PALM2AKAP2: variants seen among roughly 807,000 people sequenced by gnomAD.
PALM2AKAP2 encodes PALM2-AKAP2 fusion protein.
Under a neutral mutation model 71.5 loss-of-function variants are expected in PALM2AKAP2, and 37 were observed. The ratio of observed to expected loss-of-function variants is 0.52; its 90% CI spans 0.40 to 0.68. The LOEUF (loss-of-function observed/expected upper bound fraction) is 0.68. PALM2AKAP2 is among the 30% of genes least tolerant of loss of function. The pLI is 0.00. For missense variants in PALM2AKAP2, 1,224 were observed against 1,191.8 expected (o/e 1.03, Z -0.40); for synonymous variants, 468 against 478.8 (o/e 0.98, Z 0.29).
At chr9:109,973,768 AT>A in intron 6 of PALM2AKAP2, among the ~76,000 whole-genome samples, 2 of 152,336 alleles carry the variant, frequency 1.3e-5, no homozygotes, top group East Asian at 1.9e-4. Context: ...AGAGTGGAAA[AT>A]TGAGGTTTGG....
intron 1 of PALM2AKAP2, among the ~76,000 whole-genome samples, chr9:109,687,266 T>C (rs1401098383): frequency 6.6e-6 from 1 of 152,212 alleles, no homozygotes; most frequent in East Asian, 1.9e-4. Flanking sequence ...CTTTGAAATG[T>C]TGAAGTCATG....
chr9:110,144,213 G>A (rs555842503), intron 2 of PALM2AKAP2, among the ~76,000 whole-genome samples: 36 of 152,334 alleles, frequency 2.4e-4, no homozygotes, highest in African/African-American at 8.2e-4. Context: ...AAGGATTGAT[G>A]ATGAGAGAGC....
chr9:110,136,329 C>T (rs1835864572), exon 2 of PALM2AKAP2: 3 of 1,614,162 alleles, frequency 1.9e-6, no homozygotes, highest in Non-Finnish European at 2.5e-6. Context: ...GCTTTCTATT[C>T]ACCCCCGCAT....
chr9:110,027,598 G>A (rs1457915391), intron 7 of PALM2AKAP2, among the ~76,000 whole-genome samples: 1 of 152,238 alleles, frequency 6.6e-6, no homozygotes, highest in Non-Finnish European at 1.5e-5. Flanking sequence ...GATTCTGGCT[G>A]TAAAACCGTT....
rs367812743 is a variant in PALM2AKAP2 at position 109,769,810 on chromosome 9, T to A, written c.6-10678T>A. Among the ~76,000 whole-genome samples the A allele has an allele frequency of 4.6e-4, 70 of 152,278 alleles. 1 individual carries two copies. In the South Asian group the frequency reaches 0.014, roughly 31 times the overall value. ...CCTGAAATCTATTTTTGTTTTTGTT[T>A]CCACCTAGAATAGAAAGCACTTTCA... On this transcript the variant is annotated intron_variant, in intron 1 of 6. Transcript: ENST00000374531.
At chr9:109,684,686 A>G (rs921424966) in intron 1 of PALM2AKAP2, among the ~76,000 whole-genome samples, 1 of 152,224 alleles carries the variant, frequency 6.6e-6, no homozygotes, top group Non-Finnish European at 1.5e-5. Flanking sequence ...AACACACACA[A>G]AATAAAACCT....
chr9:109,791,755 C>T (rs2118874210), intron 1 of PALM2AKAP2, among the ~76,000 whole-genome samples: 1 of 152,302 alleles, frequency 6.6e-6, no homozygotes, highest in Middle Eastern at 3.4e-3. Context: ...ACAGAGAGTG[C>T]TCAACTCCAA....
intron 1 of PALM2AKAP2, among the ~76,000 whole-genome samples, chr9:109,702,400 T>TGGCAGC: frequency 6.6e-6 from 1 of 152,316 alleles, no homozygotes; most frequent in Middle Eastern, 3.4e-3. Flanking sequence ...CACCATGGAA[T>TGGCAGC]ACTATGCTGC....
chr9:109,916,958 G>T (rs1460751530), intron 3 of PALM2AKAP2, among the ~76,000 whole-genome samples: 3 of 152,228 alleles, frequency 2.0e-5, no homozygotes, highest in African/African-American at 7.2e-5. Context: ...TGTGAATATG[G>T]TAGGTTCCAT....
At chr9:110,115,609 T>C (rs1835345383) in intron 1 of PALM2AKAP2, among the ~76,000 whole-genome samples, 1 of 152,216 alleles carries the variant, frequency 6.6e-6, no homozygotes, top group South Asian at 2.1e-4. Flanking sequence ...CCAGAGTGTG[T>C]CAGAGTGAAT....
At position 109,844,694 on chromosome 9, in the gene PALM2AKAP2, GTTGTGCATATGTAAGTCT is replaced by G. The variant is rs568373203; in HGVS notation, c.46-22780_46-22763del. Reference sequence around the variant, plus strand: ...GTGCTCTCACATGTGCATGTGTACAGTTGTGCATATGTAAGTCTTTGTGCATATGTAAGTGCCCCTTGC... The same window carrying G: ...GTGCTCTCACATGTGCATGTGTACAGTTGTGCATATGTAAGTGCCCCTTGC... On this transcript the variant is annotated intron_variant, in intron 1 of 9. Coordinates refer to the PALM2AKAP2 transcript ENST00000302798. 6.6e-5 allele frequency among the ~76,000 whole-genome samples: 10 copies of G among 152,346 alleles called. No individual in the cohort carries two copies. The South Asian group carries it at 1.9e-3, about 28-fold the overall frequency.
In PALM2AKAP2 at chr9:109,834,054, A is replaced by C. The variant is rs139127690; in HGVS notation, c.46-33437A>C. Reference sequence around the variant, plus strand: ...ATGGTGAAACCCCGTCTCTACTAAAAAAATAAAAATTAGCAGGACATAGTG... The same window carrying C: ...ATGGTGAAACCCCGTCTCTACTAAACAAATAAAAATTAGCAGGACATAGTG... On this transcript the variant is annotated intron_variant, in intron 1 of 9. Transcript: ENST00000302798. Among the ~76,000 whole-genome samples the C allele has an allele frequency of 2.8e-3, 431 of 152,346 alleles. 1 individual carries two copies. The highest frequency in any genetic ancestry group is 4.7e-3 in the Non-Finnish European group (322 of 68,026).
intron 7 of PALM2AKAP2, among the ~76,000 whole-genome samples, chr9:110,038,181 G>A (rs982084528): frequency 6.6e-6 from 1 of 151,834 alleles, no homozygotes; most frequent in African/African-American, 2.4e-5. Flanking sequence ...TCTCTACAAA[G>A]AACAAAAAAA....
chr9:109,834,560 G>A (rs560321635), intron 1 of PALM2AKAP2, among the ~76,000 whole-genome samples: 1 of 152,204 alleles, frequency 6.6e-6, no homozygotes, highest in Admixed American at 6.5e-5. Context: ...GGATTGCCTT[G>A]GAAAATACAG....
intron 1 of PALM2AKAP2, among the ~76,000 whole-genome samples, chr9:109,793,067 G>A (rs1297863719): frequency 1.3e-5 from 2 of 152,220 alleles, no homozygotes; most frequent in African/African-American, 4.8e-5. Context: ...GCCAAGAAGC[G>A]ATTGTATGCT....
chr9:110,153,213 T>C (rs141832324), intron 2 of PALM2AKAP2, among the ~76,000 whole-genome samples: 2 of 152,330 alleles, frequency 1.3e-5, no homozygotes, highest in East Asian at 3.9e-4. Context: ...TCCTTCACCC[T>C]CTTTACAACA....
At position 110,137,465 on chromosome 9, in the gene PALM2AKAP2, G is replaced by A. The variant is rs918368691; in HGVS notation, c.1495G>A (p.Ala499Thr). The change falls in exon 2 of 4, where the codon GCC becomes ACC. Residue 499 changes from alanine to threonine, a missense_variant. Coordinates refer to ENST00000374525, the Ensembl canonical transcript of PALM2AKAP2. ...GGCAGCAGGAAGCCAGGGCAACACA[G>A]CCTCTCAGGGGAAGGAAGGGCCCTA... 3.1e-6 allele frequency: 5 copies of A among 1,613,976 alleles called. No individual in the cohort carries two copies. In the African/African-American group the frequency reaches 5.3e-5, roughly 17 times the overall value.
chr9:109,766,627 T>C (rs1354684050), intron 1 of PALM2AKAP2, among the ~76,000 whole-genome samples: 2 of 152,230 alleles, frequency 1.3e-5, no homozygotes, highest in Non-Finnish European at 2.9e-5. Context: ...TGCTGCATGT[T>C]GATAAGGCAG....
At chr9:109,703,052 CA>C (rs1828087914) in intron 1 of PALM2AKAP2, among the ~76,000 whole-genome samples, 1 of 152,156 alleles carries the variant, frequency 6.6e-6, no homozygotes, top group Non-Finnish European at 1.5e-5. Context: ...CTCCTGACCT[CA>C]AGTGATCTGC....
Sources: gnomAD v4.1 joint callset for allele counts (sites outside exome capture counted in the v4.1 genomes callset) on GRCh38, gnomAD v4.1.1 for gene constraint, MANE v1.5 for transcripts, NCBI Gene and HGNC (gene_info 2026-07-23, HGNC 2026-07-21) for gene names.